The following GRXCR1 variants were observed in gnomAD, a reference collection of about 807,000 sequenced individuals.
GRXCR1 encodes the protein glutaredoxin and cysteine rich domain containing 1.
GRXCR1 carries 27 observed loss-of-function variants against 27.3 expected under a neutral mutation model. The observed-to-expected ratio is 0.99, with a 90% CI of 0.73 to 1.37. The LOEUF (loss-of-function observed/expected upper bound fraction) is 1.37. GRXCR1 is among the 40% of genes most tolerant of loss of function. GRXCR1 has a pLI of 0.00. For missense variants in GRXCR1, 379 were observed against 354.4 expected (o/e 1.07, Z -0.56); for synonymous variants, 122 against 131.1 (o/e 0.93, Z 0.47).
chr4:42,908,312 G>A (rs183423899), intron 1 of GRXCR1, among the ~76,000 whole-genome samples: 79 of 152,308 alleles, frequency 5.2e-4, no homozygotes, highest in African/African-American at 1.8e-3. Context: ...CGGTCTGGTA[G>A]GGTAGATGCT....
At chr4:42,896,276 C>T (rs13150720) in intron 1 of GRXCR1, among the ~76,000 whole-genome samples, 39,869 of 151,980 alleles carry the variant, frequency 0.26, 6,361 homozygotes, top group Non-Finnish European at 0.36. Context: ...AATATTTTTA[C>T]TTTGTAGCAG....
At chr4:42,933,398 T>C (rs1747377134) in intron 1 of GRXCR1, among the ~76,000 whole-genome samples, 2 of 151,894 alleles carry the variant, frequency 1.3e-5, no homozygotes, top group Admixed American at 1.3e-4. Context: ...CTGGGTCTGT[T>C]AGAGTCAGCA....
chr4:42,952,612 C>T (rs920940717), intron 1 of GRXCR1, among the ~76,000 whole-genome samples: 3 of 152,028 alleles, frequency 2.0e-5, no homozygotes, highest in Non-Finnish European at 4.4e-5. Context: ...GAGATATACC[C>T]TATAAGATCA....
intron 2 of GRXCR1, among the ~76,000 whole-genome samples, chr4:42,970,455 G>A (rs113668020): frequency 3.3e-5 from 5 of 152,146 alleles, no homozygotes; most frequent in East Asian, 1.9e-4. Flanking sequence ...TGAAATCTAA[G>A]AGGAGGTTCC....
intron 1 of GRXCR1, among the ~76,000 whole-genome samples, chr4:42,923,940 C>G (rs1035513672): frequency 1.3e-5 from 2 of 152,032 alleles, no homozygotes; most frequent in Non-Finnish European, 1.5e-5. Flanking sequence ...CTTGAATTCA[C>G]TCTATTTTAT....
At chr4:42,926,381 T>C (rs976392703) in intron 1 of GRXCR1, among the ~76,000 whole-genome samples, 2 of 152,056 alleles carry the variant, frequency 1.3e-5, no homozygotes, top group African/African-American at 2.4e-5. Context: ...CACAGAATGG[T>C]GCCTGGCATA....
intron 1 of GRXCR1, among the ~76,000 whole-genome samples, chr4:42,902,985 C>A (rs932001025): frequency 1.3e-5 from 2 of 152,052 alleles, no homozygotes; most frequent in South Asian, 4.1e-4. Context: ...CTCAGAGAAG[C>A]GTGTAGCTTG....
rs116265519 is a variant in GRXCR1 at position 42,955,804 on chromosome 4, A to G, written c.385-7088A>G. Among the ~76,000 whole-genome samples, 220 of 152,204 alleles carry G rather than the reference A, an allele frequency of 1.4e-3. 1 individual carries two copies. Among genetic ancestry groups the G allele is most frequent in the Middle Eastern group, 3.4e-3 (1 of 294 alleles). On this transcript the variant is annotated intron_variant, in intron 1 of 3. Transcript: ENST00000399770. ...TTTGGGGACTCACTGGGGCAAGGCT[A>G]GGAGACCCATTTCAGGAGGGCTTTT...
chr4:43,003,249 C>A (rs71610043), intron 2 of GRXCR1, among the ~76,000 whole-genome samples: 4 of 151,908 alleles, frequency 2.6e-5, no homozygotes, highest in Admixed American at 2.6e-4. Flanking sequence ...CATATGTATA[C>A]GTATGTAACA....
chr4:42,966,358 T>G (rs561242782), intron 2 of GRXCR1, among the ~76,000 whole-genome samples: 4 of 152,014 alleles, frequency 2.6e-5, no homozygotes, highest in African/African-American at 9.7e-5. Flanking sequence ...GGGTCTCTGG[T>G]GACAGAGAGA....
chr4:43,030,606 T>G lies in GRXCR1; in HGVS notation c.*66T>G. ...AAGGCAATACTTTGGTTTATATATA[T>G]ATTTTTAAATGGTTATGTTTATGGA... is the stretch of plus-strand genomic sequence containing the variant. On this transcript the variant is annotated 3_prime_UTR_variant, in exon 4 of 4. Transcript: ENST00000399770. 5 of 1,215,618 alleles carry G rather than the reference T, an allele frequency of 4.1e-6. No individual in the cohort carries two copies. In the South Asian group the frequency reaches 6.3e-5, roughly 15 times the overall value. The allele number at this position is 1,215,618 out of a possible 1,614,324, so 75.3% of individuals were successfully genotyped here.
chr4:43,018,777 G>A (rs1713009320), intron 2 of GRXCR1, among the ~76,000 whole-genome samples: 1 of 152,150 alleles, frequency 6.6e-6, no homozygotes, highest in African/African-American at 2.4e-5. Context: ...AAAAGAAATA[G>A]AATATAGCAA....
chr4:42,897,326 A>C (rs1239411312), intron 1 of GRXCR1, among the ~76,000 whole-genome samples: 1 of 152,084 alleles, frequency 6.6e-6, no homozygotes, highest in African/African-American at 2.4e-5. Context: ...CCTTATCCTC[A>C]AACTGTGTGA....
At chr4:42,980,888 C>A (rs115258254) in intron 2 of GRXCR1, among the ~76,000 whole-genome samples, 2 of 150,902 alleles carry the variant, frequency 1.3e-5, no homozygotes, top group Non-Finnish European at 3.0e-5. Flanking sequence ...ATTTCTTTAT[C>A]AGTCTTTATG....
In GRXCR1 at chr4:43,030,530, G is replaced by A. The variant is rs373966661; in HGVS notation, c.863G>A (p.Cys288Tyr). Residue 288 changes from cysteine to tyrosine, a missense_variant, in exon 4 of 4, where the codon TGT (cysteine) becomes TAT (tyrosine). Transcript: ENST00000399770. Reference sequence around the variant, plus strand: ...AATGGTCTTCAGCGTTGTAAGAACTGTGCTGGTTAATTGGAGCTTCTACCC... The same window carrying A: ...AATGGTCTTCAGCGTTGTAAGAACTATGCTGGTTAATTGGAGCTTCTACCC... ...NENGLQRCKN[C>Y]AG 3 of 1,613,828 alleles carry A rather than the reference G, an allele frequency of 1.9e-6. No homozygotes were observed. The highest frequency in any genetic ancestry group is 2.5e-6 in the Non-Finnish European group (3 of 1,179,892).
At chr4:42,979,066 C>T (rs115908825) in intron 2 of GRXCR1, among the ~76,000 whole-genome samples, 4,648 of 151,520 alleles carry the variant, frequency 0.031, 79 homozygotes, top group South Asian at 0.058. Context: ...AACTGTGAGT[C>T]AATCAAACCT....
intron 1 of GRXCR1, among the ~76,000 whole-genome samples, chr4:42,916,413 A>G (rs910379634): frequency 6.6e-6 from 1 of 152,210 alleles, no homozygotes; most frequent in Non-Finnish European, 1.5e-5. Flanking sequence ...TCAAATGTTA[A>G]GCAAATGAAT....
At chr4:42,962,184 T>G (rs1748142187) in intron 1 of GRXCR1, among the ~76,000 whole-genome samples, 5 of 151,922 alleles carry the variant, frequency 3.3e-5, no homozygotes, top group Admixed American at 3.3e-4. Flanking sequence ...TGTTTTTGAG[T>G]GTTGCTTGCC....
Position 42,911,393 on chromosome 4 carries a change from C to T in GRXCR1, c.384+17743C>T, listed in dbSNP as rs1010249528. Among the ~76,000 whole-genome samples, 7 of 152,192 alleles carry T rather than the reference C, an allele frequency of 4.6e-5. No homozygotes were observed. In the East Asian group the frequency reaches 1.2e-3, roughly 25 times the overall value. On this transcript the variant is annotated intron_variant, in intron 1 of 3. Coordinates refer to ENST00000399770, the MANE Select transcript of GRXCR1 (RefSeq NM_001080476.3). ...ATCAGTACTAATGAACATACAACTT[C>T]TGCTGTCAAGAATTCAGTAGAGATA...
Sources: gnomAD v4.1 joint callset for allele counts (sites outside exome capture counted in the v4.1 genomes callset) on GRCh38, gnomAD v4.1.1 for gene constraint, MANE v1.5 for transcripts, NCBI Gene and HGNC (gene_info 2026-07-23, HGNC 2026-07-21) for gene names.